MEF2A: variants seen among roughly 807,000 people sequenced by gnomAD.
MEF2A encodes myocyte enhancer factor 2A.
MEF2A carries 28 observed loss-of-function variants against 55.8 expected under a neutral mutation model. The observed-to-expected ratio is 0.50, with a 90% CI of 0.37 to 0.69. The LOEUF (loss-of-function observed/expected upper bound fraction) is 0.69, where lower values mean the gene tolerates loss of function less well. MEF2A is among the 30% of genes least tolerant of loss of function. The pLI is 0.00. For missense variants in MEF2A, 528 were observed against 626.2 expected (o/e 0.84, Z 1.67); for synonymous variants, 239 against 227.1 (o/e 1.05, Z -0.47).
chr15:99,626,867 T>A (rs1323846495), intron 2 of MEF2A, among the ~76,000 whole-genome samples: 1 of 152,180 alleles, frequency 6.6e-6, no homozygotes, highest in Non-Finnish European at 1.5e-5. Flanking sequence ...AGATGACTGA[T>A]GCATGTTGGA....
intron 2 of MEF2A, among the ~76,000 whole-genome samples, chr15:99,613,445 C>T (rs2039650450): frequency 6.6e-6 from 1 of 152,174 alleles, no homozygotes; most frequent in Admixed American, 6.5e-5. Flanking sequence ...CACACTTTAA[C>T]AGTCCCCGCA....
intron 1 of MEF2A, among the ~76,000 whole-genome samples, chr15:99,593,612 G>A (rs1970113754): frequency 6.6e-6 from 1 of 152,174 alleles, no homozygotes. Context: ...CTTTGGAACT[G>A]TTTTCATGTA....
intron 4 of MEF2A, among the ~76,000 whole-genome samples, chr15:99,667,110 A>G (rs958263720): frequency 6.6e-6 from 1 of 152,216 alleles, no homozygotes; most frequent in Non-Finnish European, 1.5e-5. Flanking sequence ...AATAAGTTCT[A>G]TCGAGGGTTA....
At chr15:99,704,057 G>A (rs879153991) in intron 9 of MEF2A, among the ~76,000 whole-genome samples, 1 of 152,008 alleles carries the variant, frequency 6.6e-6, no homozygotes. Flanking sequence ...TCTTCTTTAG[G>A]AACTAAAACC....
chr15:99,630,256 C>A (rs2042741268), intron 2 of MEF2A, among the ~76,000 whole-genome samples: 1 of 152,080 alleles, frequency 6.6e-6, no homozygotes, highest in South Asian at 2.1e-4. Flanking sequence ...TTTCCATGTG[C>A]TGTAATTTCT....
intron 7 of MEF2A, among the ~76,000 whole-genome samples, chr15:99,677,320 A>G (rs2052325854): frequency 1.3e-5 from 2 of 152,036 alleles, no homozygotes; most frequent in African/African-American, 2.4e-5. Flanking sequence ...CTTTAATATA[A>G]CAGTGTTTAC....
intron 2 of MEF2A, among the ~76,000 whole-genome samples, chr15:99,622,108 G>A (rs1188739503): frequency 6.6e-6 from 1 of 152,156 alleles, no homozygotes; most frequent in Non-Finnish European, 1.5e-5. Flanking sequence ...GAATATGAGT[G>A]CTAGATTCTA....
chr15:99,631,585 T>C (rs2042949815), intron 2 of MEF2A, among the ~76,000 whole-genome samples: 1 of 152,180 alleles, frequency 6.6e-6, no homozygotes, highest in African/African-American at 2.4e-5. Flanking sequence ...ATTTGCATTA[T>C]GGTTTGATTA....
rs11287766 is a variant in MEF2A at position 99,570,809 on chromosome 15, GAA to G, written c.-225+4717_-225+4718del. On this transcript the variant is annotated intron_variant, in intron 1 of 11. Transcript: ENST00000557942. ...GATCTATATGTCATTTCTTCTTAAA[GAA>G]AAAAAAAAAAACAACTTTTGAAGGC... is the stretch of plus-strand genomic sequence containing the variant. Among the ~76,000 whole-genome samples the G allele has an allele frequency of 3.9e-3, 540 of 136,876 alleles. 2 individuals are homozygous for G. Among genetic ancestry groups the G allele is most frequent in the African/African-American group, 0.013 (514 of 38,410 alleles). 89.8% of individuals were successfully genotyped at this position (136,876 alleles called of 152,430 possible).
intron 2 of MEF2A, among the ~76,000 whole-genome samples, chr15:99,603,146 T>C (rs1263074672): frequency 6.6e-6 from 1 of 152,170 alleles, no homozygotes; most frequent in Non-Finnish European, 1.5e-5. Context: ...AGTAATGTTG[T>C]GTGTTCATTT....
intron 4 of MEF2A, among the ~76,000 whole-genome samples, chr15:99,652,712 T>G (rs1223802557): frequency 6.6e-6 from 1 of 152,204 alleles, no homozygotes; most frequent in Non-Finnish European, 1.5e-5. Flanking sequence ...CTGAATAAAA[T>G]AGCTGCTTAG....
rs1376559693 is a variant in MEF2A, at chr15:99,712,899, ATATG to A, written c.*134_*137del. The A allele has an allele frequency of 5.6e-5, 60 of 1,069,186 alleles. No homozygotes were observed. Among genetic ancestry groups the A allele is most frequent in the African/African-American group, 7.2e-5 (4 of 55,214 alleles). 66.2% of individuals were successfully genotyped at this position (1,069,186 alleles called of 1,614,324 possible). A position where few individuals can be genotyped will look rare whatever the true frequency, so the allele number is the denominator to read the frequency against. On this transcript the variant is annotated 3_prime_UTR_variant, in exon 12 of 12. Coordinates refer to ENST00000557942, the MANE Select transcript of MEF2A (RefSeq NM_001319206.4). The surrounding 1 kb of genome is among the most constrained non-coding windows in gnomAD (Gnocchi z 4.1). ...TACATATATATATCCCTTTACATAT[ATATG>A]TATGTGGGTGTGAGTGTGTATGTGT...
At position 99,627,768 on chromosome 15, in the gene MEF2A, T is replaced by C. The variant is rs552310931; in HGVS notation, c.-142-5210T>C. ...TCCATGTGTGTTTGTGCTAAACATT[T>C]TTCTAATTGCCTTTCATATTTAGCC... On this transcript the variant is annotated intron_variant, in intron 2 of 11. Coordinates refer to ENST00000557942, the MANE Select transcript of MEF2A (RefSeq NM_001319206.4). 2.6e-5 allele frequency among the ~76,000 whole-genome samples: 4 copies of C among 152,354 alleles called. No individual in the cohort carries two copies. The South Asian group carries it at 6.2e-4, about 24-fold the overall frequency.
At chr15:99,609,293 AGAT>A (rs1976296746) in intron 2 of MEF2A, among the ~76,000 whole-genome samples, 1 of 152,216 alleles carries the variant, frequency 6.6e-6, no homozygotes, top group Admixed American at 6.5e-5. Flanking sequence ...TTCTTGAATC[AGAT>A]GTTAGTATTT....
At chr15:99,581,414 CTT>C (rs35355471) in intron 1 of MEF2A, among the ~76,000 whole-genome samples, 3 of 146,554 alleles carry the variant, frequency 2.0e-5, no homozygotes, top group Non-Finnish European at 3.0e-5. Context: ...TATGAGCTTT[CTT>C]TTTTTTTTTT....
intron 8 of MEF2A, among the ~76,000 whole-genome samples, chr15:99,693,079 G>A (rs2055800899): frequency 1.3e-5 from 2 of 152,118 alleles, no homozygotes; most frequent in Admixed American, 6.6e-5. Flanking sequence ...TGAAGCTTGT[G>A]GTAGGTGCCC....
intron 8 of MEF2A, among the ~76,000 whole-genome samples, chr15:99,697,842 G>A (rs2056733438): frequency 6.6e-6 from 1 of 152,140 alleles, no homozygotes; most frequent in African/African-American, 2.4e-5. Flanking sequence ...CAAAGCTATA[G>A]TAATCCAGAA....
chr15:99,624,110 C>T (rs1399983055), intron 2 of MEF2A, among the ~76,000 whole-genome samples: 1 of 152,100 alleles, frequency 6.6e-6, no homozygotes, highest in African/African-American at 2.4e-5. Flanking sequence ...CGGCCGTGAT[C>T]TGCAGTTATT....
At chr15:99,585,822 C>T (rs977261908) in intron 1 of MEF2A, among the ~76,000 whole-genome samples, 1 of 152,066 alleles carries the variant, frequency 6.6e-6, no homozygotes, top group Non-Finnish European at 1.5e-5. Context: ...TCACAAAAAT[C>T]TTTTAAATTA....
Sources: allele counts gnomAD v4.1 joint callset (sites outside exome capture counted in the v4.1 genomes callset), GRCh38; gene constraint gnomAD v4.1.1; non-coding constraint Gnocchi (gnomAD v3.1); transcripts MANE v1.5; gene names NCBI Gene and HGNC (gene_info 2026-07-23, HGNC 2026-07-21).